RET: variants seen among roughly 807,000 people sequenced by gnomAD.
RET encodes the protein proto-oncogene tyrosine-protein kinase receptor Ret.
In RET, 19 loss-of-function variants were observed where a neutral mutation model predicts 118.3. The ratio of observed to expected loss-of-function variants is 0.16; its 90% confidence interval spans 0.11 to 0.24. RET has a LOEUF of 0.24. Ranked by LOEUF, RET falls within the 10% of genes least tolerant of loss-of-function variation. The pLI is 1.00. For synonymous variants in RET, 597 were observed against 644.1 expected, an observed-to-expected ratio of 0.93 and a Z score of 1.11; for missense variants, 1,219 against 1,502.1, an observed-to-expected ratio of 0.81 and a Z score of 3.12.
At chr10:43,087,843 T>TC (rs1257054116) in intron 1 of RET, among the ~76,000 whole-genome samples, 1 of 152,202 alleles carries the variant, frequency 6.6e-6, no homozygotes, top group African/African-American at 2.4e-5. Context: ...TTTGGAAGTC[T>TC]CAGGATGCCA....
intron 1 of RET, among the ~76,000 whole-genome samples, chr10:43,090,644 A>G (rs1336604397): frequency 3.9e-5 from 6 of 152,250 alleles, no homozygotes; most frequent in Non-Finnish European, 8.8e-5. Context: ...TAAGACAAAC[A>G]CAATCCAGGC....
rs9282834 is a variant in RET at position 43,111,408 on chromosome 10, G to A, written c.1465G>A (p.Asp489Asn). ...ACTTCACTACATGGTGGTGGCCACCGACCAGCAGACCTCTAGGCAGGCCCA... is the reference window on the plus strand; with the variant it reads ...ACTTCACTACATGGTGGTGGCCACCAACCAGCAGACCTCTAGGCAGGCCCA... Reference protein sequence around the residue: ...AELHYMVVATDQQTSRQAQAQ... With the variant: ...AELHYMVVATNQQTSRQAQAQ... Residue 489 changes from aspartate to asparagine, a missense_variant, in exon 7 of 20, where the codon GAC (aspartate) becomes AAC (asparagine). Physicochemically the swap from Asp to Asn is conservative, Grantham distance 23. Around this residue, in one of 5 missense-constraint regions of RET, gnomAD observed 850 missense variants for 969.6 expected, o/e 0.88. Coordinates refer to ENST00000355710, the MANE Select transcript of RET (RefSeq NM_020975.6). 2,159 of 1,613,718 alleles carry A rather than the reference G, an allele frequency of 1.3e-3. 58 individuals are homozygous for A. In the East Asian group the frequency reaches 0.044, roughly 33 times the overall value.
Position 43,106,758 on chromosome 10 carries a change from G to C in RET, c.1063+187G>C, listed in dbSNP as rs750167307. Among the ~76,000 whole-genome samples the C allele has an allele frequency of 6.6e-6, 1 of 152,154 alleles. No homozygotes were observed. On this transcript the variant is annotated intron_variant, in intron 5 of 19. Transcript: ENST00000355710. The surrounding 1 kb of genome is among the most constrained non-coding windows in gnomAD (Gnocchi z 5.1). ...CAGGCCTGCCCTCCAGCCACCAGCAGGGCTTTCACCATGGGACCTCTCTCC... is the reference window on the plus strand; with the variant it reads ...CAGGCCTGCCCTCCAGCCACCAGCACGGCTTTCACCATGGGACCTCTCTCC...
chr10:43,123,915 G>A, intron 17 of RET, 107 bp downstream of exon 17: 3 of 1,552,142 alleles, frequency 1.9e-6, no homozygotes, highest in Non-Finnish European at 1.8e-6. Context: ...GGAGAAGTGG[G>A]GGGTGGGGAG....
chr10:43,097,168 G>A (rs907521441), intron 1 of RET, among the ~76,000 whole-genome samples: 1 of 152,114 alleles, frequency 6.6e-6, no homozygotes, highest in African/African-American at 2.4e-5. Context: ...GGGGGCTTTG[G>A]GAAGCCCAGG....
rs34617196 is a variant in RET, at chr10:43,119,615, A to C, written c.2477A>C (p.Tyr826Ser). Residue 826 changes from tyrosine to serine, a missense_variant, in exon 14 of 20, where the codon TAC (tyrosine) becomes TCC (serine). Coordinates refer to ENST00000355710, the MANE Select transcript of RET (RefSeq NM_020975.6). ...GAGAGCCGCAAAGTGGGGCCTGGCTACCTGGGCAGTGGAGGCAGCCGCAAC... is the reference window on the plus strand; with the variant it reads ...GAGAGCCGCAAAGTGGGGCCTGGCTCCCTGGGCAGTGGAGGCAGCCGCAAC... ...LRESRKVGPG[Y>S]LGSGGSRNSS... The C allele has an allele frequency of 5.8e-5, 93 of 1,612,722 alleles. No individual in the cohort carries two copies. Among genetic ancestry groups the C allele is most frequent in the Non-Finnish European group, 7.4e-5 (87 of 1,179,930 alleles).
chr10:43,128,281 G>A lies in RET; in HGVS notation c.*12G>A, dbSNP rs2133050388. 6.2e-7 allele frequency: 1 copy of A among 1,614,104 alleles called. No individual in the cohort carries two copies. The highest frequency in any genetic ancestry group is 8.5e-7 in the Non-Finnish European group (1 of 1,179,958). ...CGTTTGATAGTTAACATTTCTTTGTGAAAGGTAATGGACTCACAAGGGGAA... is the reference window on the plus strand; with the variant it reads ...CGTTTGATAGTTAACATTTCTTTGTAAAAGGTAATGGACTCACAAGGGGAA... On this transcript the variant is annotated 3_prime_UTR_variant, in exon 20 of 20. Coordinates refer to ENST00000355710, the MANE Select transcript of RET (RefSeq NM_020975.6).
chr10:43,079,590 T>C (rs1219316280), intron 1 of RET, among the ~76,000 whole-genome samples: 1 of 152,190 alleles, frequency 6.6e-6, no homozygotes, highest in African/African-American at 2.4e-5. Context: ...CACCTCAACC[T>C]CCCACAGCTC....
In RET at chr10:43,100,439, C is replaced by T. The variant is rs1001833013; in HGVS notation, c.74-20C>T. On this transcript the variant is annotated intron_variant, in intron 1 of 19. Coordinates refer to ENST00000355710, the MANE Select transcript of RET (RefSeq NM_020975.6). ...AGCCTTATTCTCACCATCCCTCACT[C>T]ACTTCCCTACTTCCCACAGTGGCAT... The T allele has an allele frequency of 1.9e-6, 3 of 1,611,846 alleles. No homozygotes were observed. The highest frequency in any genetic ancestry group is 2.7e-5 in the African/African-American group (2 of 74,596).
chr10:43,097,786 T>C (rs537895953), intron 1 of RET, among the ~76,000 whole-genome samples: 12 of 152,292 alleles, frequency 7.9e-5, no homozygotes, highest in Admixed American at 7.8e-4. Flanking sequence ...GGCACTTGAT[T>C]GTTTCCCCCA....
chr10:43,127,565 C>A, intron 19 of RET: 8 of 847,982 alleles, frequency 9.4e-6, no homozygotes, highest in Non-Finnish European at 1.2e-5. Context: ...GCATTTTTTT[C>A]AAGCTGAGAC....
chr10:43,113,822 T>A, intron 10 of RET, 147 bp downstream of exon 10: 3 of 1,223,868 alleles, frequency 2.5e-6, no homozygotes, highest in Non-Finnish European at 3.4e-6. Flanking sequence ...CCTCTGTTAC[T>A]CCACCCAGGA....
In RET at chr10:43,129,493, C is replaced by T. The variant is rs570206266; in HGVS notation, c.*1224C>T. On this transcript the variant is annotated 3_prime_UTR_variant, in exon 20 of 20. Coordinates refer to ENST00000355710, the MANE Select transcript of RET (RefSeq NM_020975.6). The stretch of plus-strand genomic sequence containing the variant: ...CATGACTCATAAGCTTCTTGTCATT[C>T]TTCATTGCTTGTTTGTGGTCACAGA... 1 of 234,718 alleles carries T rather than the reference C, an allele frequency of 4.3e-6. No individual in the cohort carries two copies. Among genetic ancestry groups the T allele is most frequent in the Non-Finnish European group, 8.4e-6 (1 of 118,814 alleles). The allele number at this position is 234,718 out of a possible 1,614,324, so 14.5% of individuals were successfully genotyped here.
chr10:43,111,794 C>G (rs1782550358), intron 7 of RET, among the ~76,000 whole-genome samples: 1 of 152,228 alleles, frequency 6.6e-6, no homozygotes, highest in Non-Finnish European at 1.5e-5. Context: ...GCCATTCATG[C>G]CATTCATTGT....
chr10:43,088,136 T>A (rs1310626085), intron 1 of RET, among the ~76,000 whole-genome samples: 1 of 151,400 alleles, frequency 6.6e-6, no homozygotes, highest in Non-Finnish European at 1.5e-5. Context: ...GTGATGGTGG[T>A]GGAGGCAGTT....
intron 1 of RET, among the ~76,000 whole-genome samples, chr10:43,099,621 C>T (rs1272451758): frequency 6.6e-6 from 1 of 152,192 alleles, no homozygotes; most frequent in Non-Finnish European, 1.5e-5. Flanking sequence ...AATATGCCCA[C>T]GTGATCTGCA....
rs2132798732 is a variant in RET at position 43,112,151 on chromosome 10, G to T, written c.1575G>T (p.Arg525=). 1 of 1,594,064 alleles carries T rather than the reference G, an allele frequency of 6.3e-7. No individual in the cohort carries two copies. Among genetic ancestry groups the T allele is most frequent in the Non-Finnish European group, 8.5e-7 (1 of 1,170,228 alleles). Residue 525 remains arginine, a synonymous_variant, in exon 8 of 20, where the codon CGG becomes CGT. Transcript: ENST00000355710. The part of the protein sequence containing the change: ...CPLSCAVSKR[R]LECEECGGLG... ...TGTCCTGTGCAGTCAGCAAGAGACG[G>T]CTGGAGTGTGAGGAGTGTGGCGGCC... is the stretch of plus-strand genomic sequence containing the variant.
chr10:43,116,538 C>G (rs2132900650), intron 11 of RET, 46 bp from the exon 12 acceptor site: 1 of 1,611,454 alleles, frequency 6.2e-7, no homozygotes, highest in Non-Finnish European at 8.5e-7. Flanking sequence ...CTGTCATCCT[C>G]ACACTTTTCC....
chr10:43,115,796 G>A (rs951803695), intron 11 of RET, among the ~76,000 whole-genome samples: 5 of 152,244 alleles, frequency 3.3e-5, no homozygotes, highest in Admixed American at 1.3e-4. Context: ...TCTCTAGAGT[G>A]TGGTAAACAG....
Sources: gnomAD v4.1 joint callset for allele counts (sites outside exome capture counted in the v4.1 genomes callset) on GRCh38, gnomAD v4.1.1 for gene constraint, gnomAD v4.1.1 regional missense constraint, Gnocchi (gnomAD v3.1) non-coding constraint, MANE v1.5 for transcripts, NCBI Gene and HGNC (gene_info 2026-07-23, HGNC 2026-07-21) for gene names.